The following PAK4 variants were observed in gnomAD, a reference collection of about 807,000 sequenced individuals.
PAK4 encodes the protein serine/threonine-protein kinase PAK 4.
In PAK4, 49 loss-of-function variants were observed where a neutral mutation model predicts 53.5. The observed-to-expected ratio is 0.92, with a 90% CI of 0.73 to 1.16. The LOEUF is 1.16. PAK4 is among the 50% of genes most tolerant of loss of function. The pLI, the probability that PAK4 is intolerant of heterozygous loss-of-function variation, is 0.00. For missense variants in PAK4, 824 were observed against 850.7 expected (o/e 0.97, Z 0.39); for synonymous variants, 376 against 375.6 (o/e 1.00, Z -0.01).
chr19:39,158,908 C>G (rs775397339), intron 1 of PAK4, among the ~76,000 whole-genome samples: 31 of 152,190 alleles, frequency 2.0e-4, no homozygotes, highest in Non-Finnish European at 3.8e-4. Flanking sequence ...GCCCGGCATC[C>G]TCTGTAGTGT....
chr19:39,150,504 C>T (rs988311888), intron 1 of PAK4, among the ~76,000 whole-genome samples: 10 of 152,086 alleles, frequency 6.6e-5, no homozygotes, highest in Admixed American at 5.9e-4. Flanking sequence ...TCACAGTTGC[C>T]CAAACAGCGC....
chr19:39,156,276 A>G (rs1323366437), intron 1 of PAK4, among the ~76,000 whole-genome samples: 1 of 150,474 alleles, frequency 6.6e-6, no homozygotes, highest in Non-Finnish European at 1.5e-5. Context: ...CAGAGAGCCC[A>G]CCCACCCCTC....
At chr19:39,144,394 C>CAG (rs1269012957) in intron 1 of PAK4, among the ~76,000 whole-genome samples, 1 of 152,212 alleles carries the variant, frequency 6.6e-6, no homozygotes, top group East Asian at 1.9e-4. Flanking sequence ...TTGTAGTGGT[C>CAG]TCACTGCTGT....
At chr19:39,162,008 GGAGTGCAATGGTGC>G (rs1237182840) in intron 1 of PAK4, among the ~76,000 whole-genome samples, 2 of 152,102 alleles carry the variant, frequency 1.3e-5, no homozygotes, top group Admixed American at 1.3e-4. Context: ...CGCCCAGGCT[GGAGTGCAATGGTGC>G]GATCTTGGCT....
chr19:39,167,315 G>A (rs549455090), intron 1 of PAK4, among the ~76,000 whole-genome samples: 3 of 152,326 alleles, frequency 2.0e-5, no homozygotes, highest in East Asian at 3.9e-4. Flanking sequence ...CTGGGAGGAC[G>A]GAGAGGCCGG....
chr19:39,156,919 C>T (rs1433834636), intron 1 of PAK4: 1 of 152,370 alleles, frequency 6.6e-6, no homozygotes, highest in Non-Finnish European at 1.5e-5. Flanking sequence ...AGGGTCTGCC[C>T]CTGGCCACTG....
chr19:39,138,869 G>A (rs528719534), intron 1 of PAK4, among the ~76,000 whole-genome samples: 4 of 152,224 alleles, frequency 2.6e-5, no homozygotes, highest in African/African-American at 7.2e-5. Context: ...TCCCCACAGC[G>A]TGGCAGGAAG....
Position 39,178,059 on chromosome 19 carries a change from G to A in PAK4, c.1620+250G>A, listed in dbSNP as rs1009642404. Among the ~76,000 whole-genome samples, 1 of 152,134 alleles carries A rather than the reference G, an allele frequency of 6.6e-6. No homozygotes were observed. The highest frequency in any genetic ancestry group is 2.4e-5 in the African/African-American group (1 of 41,414). ...GCCCTGGGCCCCACCCAGCCCTAGA[G>A]AGATTTGCACGTTTAGAAGTGGAGG... On this transcript the variant is annotated intron_variant, in intron 8 of 8. Transcript: ENST00000358301. This position sits in a 1 kb window ranked among gnomAD's most constrained non-coding sequence, Gnocchi z 4.4.
At chr19:39,167,016 G>T (rs1055305759) in intron 1 of PAK4, among the ~76,000 whole-genome samples, 5 of 152,238 alleles carry the variant, frequency 3.3e-5, no homozygotes, top group Admixed American at 3.3e-4. Context: ...GGGTGGGAGG[G>T]CAGGAGGCCA....
At chr19:39,147,601 T>C (rs1411976959) in intron 1 of PAK4, among the ~76,000 whole-genome samples, 1 of 152,204 alleles carries the variant, frequency 6.6e-6, no homozygotes, top group African/African-American at 2.4e-5. Flanking sequence ...TACCATGTTA[T>C]ATTATCACCA....
intron 2 of PAK4, among the ~76,000 whole-genome samples, chr19:39,170,956 G>C (rs982499090): frequency 5.9e-5 from 9 of 152,200 alleles, no homozygotes; most frequent in African/African-American, 2.2e-4. Context: ...ACCCACCTCA[G>C]CTCCACGCCC....
chr19:39,143,289 TAAA>T (rs33954043), intron 1 of PAK4, among the ~76,000 whole-genome samples: 144 of 117,710 alleles, frequency 1.2e-3, no homozygotes, highest in Middle Eastern at 4.3e-3. Flanking sequence ...GTAGAAGCAT[TAAA>T]AAAAAAAAAA....
At chr19:39,155,481 C>T (rs1178578951) in intron 1 of PAK4, among the ~76,000 whole-genome samples, 1 of 151,952 alleles carries the variant, frequency 6.6e-6, no homozygotes, top group Non-Finnish European at 1.5e-5. Flanking sequence ...GCAGGTGCCT[C>T]AAGTGGGGCC....
intron 7 of PAK4, among the ~76,000 whole-genome samples, chr19:39,176,928 G>A (rs1448164598): frequency 6.6e-6 from 1 of 151,984 alleles, no homozygotes; most frequent in African/African-American, 2.4e-5. Flanking sequence ...GAGTGCAGTG[G>A]TGCAATCTCA....
intron 1 of PAK4, among the ~76,000 whole-genome samples, chr19:39,149,502 C>A (rs1463875332): frequency 1.3e-5 from 2 of 152,098 alleles, no homozygotes; most frequent in Admixed American, 6.6e-5. Flanking sequence ...AGGAGGATCA[C>A]CTGAGCCTAA....
intron 1 of PAK4, among the ~76,000 whole-genome samples, chr19:39,166,213 T>C (rs1369243486): frequency 1.3e-5 from 2 of 152,158 alleles, no homozygotes; most frequent in African/African-American, 4.8e-5. Context: ...TCCTAACACT[T>C]TGGGAAGCCA....
chr19:39,128,133 G>A (rs1014582244), intron 1 of PAK4, among the ~76,000 whole-genome samples: 2 of 152,228 alleles, frequency 1.3e-5, no homozygotes, highest in Admixed American at 6.5e-5. Context: ...CACAGAGCAT[G>A]TGAGGACCTC....
intron 1 of PAK4, among the ~76,000 whole-genome samples, chr19:39,126,451 G>C (rs879185873): frequency 5.9e-5 from 8 of 136,006 alleles, no homozygotes; most frequent in African/African-American, 1.3e-4. Flanking sequence ...GGACGGGGGG[G>C]GGGGGGGGGG....
At chr19:39,154,059 T>G (rs1181603382) in intron 1 of PAK4, among the ~76,000 whole-genome samples, 1 of 152,210 alleles carries the variant, frequency 6.6e-6, no homozygotes, top group Non-Finnish European at 1.5e-5. Context: ...CTCATCCACA[T>G]GTAGCTGTAG....
Sources: allele counts gnomAD v4.1 joint callset (sites outside exome capture counted in the v4.1 genomes callset), GRCh38; gene constraint gnomAD v4.1.1; non-coding constraint Gnocchi (gnomAD v3.1); transcripts MANE v1.5; gene names NCBI Gene and HGNC (gene_info 2026-07-23, HGNC 2026-07-21).